Variants in GPR39 observed in about 807,000 individuals in gnomAD.
GPR39 encodes G protein-coupled receptor 39.
Under a neutral mutation model 18.4 loss-of-function variants are expected in GPR39, and 23 were observed. That is an observed-to-expected ratio of 1.25 (90% CI 0.90 to 1.77). The LOEUF is 1.77. GPR39 is among the 40% of genes most tolerant of loss of function. The pLI, the probability that GPR39 is intolerant of heterozygous loss-of-function variation, is 0.00. For synonymous variants in GPR39, 280 were observed against 257.9 expected, an observed-to-expected ratio of 1.09 and a Z score of -0.82; for missense variants, 647 against 602.4, an observed-to-expected ratio of 1.07 and a Z score of -0.78.
chr2:132,424,800 A>G (rs572633238), intron 1 of GPR39, among the ~76,000 whole-genome samples: 1 of 152,242 alleles, frequency 6.6e-6, no homozygotes, highest in East Asian at 1.9e-4. Context: ...AAAACAGACA[A>G]CCCTTCATTG....
Position 132,553,379 on chromosome 2 carries a change from GTA to G in GPR39, c.857-91713_857-91712del, listed in dbSNP as rs201172843. 5.4e-3 allele frequency among the ~76,000 whole-genome samples: 747 copies of G among 138,700 alleles called. 13 individuals carry two copies. The highest frequency in any genetic ancestry group is 3.5e-3 in the Non-Finnish European group (223 of 63,410). The allele number at this position is 138,700 out of a possible 152,430, so 91.0% of individuals were successfully genotyped here. A position where few individuals can be genotyped will look rare whatever the true frequency, so the allele number is the denominator to read the frequency against. ...TATATGTATATATGTATATATGTGT[GTA>G]TATATATAGTGTATATATACGTATA... On this transcript the variant is annotated intron_variant, in intron 1 of 1. Transcript: ENST00000329321.
chr2:132,598,137 G>A (rs1680979271), intron 1 of GPR39, among the ~76,000 whole-genome samples: 1 of 152,242 alleles, frequency 6.6e-6, no homozygotes, highest in African/African-American at 2.4e-5. Flanking sequence ...CTCAAAGGCA[G>A]GAGGATAAGT....
At chr2:132,528,722 T>G (rs1490424067) in intron 1 of GPR39, among the ~76,000 whole-genome samples, 2 of 152,212 alleles carry the variant, frequency 1.3e-5, no homozygotes, top group Non-Finnish European at 2.9e-5. Context: ...CATTCATGAT[T>G]TGGTTCTCTA....
intron 1 of GPR39, among the ~76,000 whole-genome samples, chr2:132,621,002 T>A (rs1681431323): frequency 6.6e-6 from 1 of 152,138 alleles, no homozygotes; most frequent in African/African-American, 2.4e-5. Context: ...TCCACCCACC[T>A]CGGCCTCCCA....
At chr2:132,438,678 G>T (rs1680378762) in intron 1 of GPR39, among the ~76,000 whole-genome samples, 1 of 143,700 alleles carries the variant, frequency 7.0e-6, no homozygotes, top group South Asian at 2.2e-4. Context: ...TTTACTATCT[G>T]GCCCTTTAAA....
chr2:132,501,542 T>C (rs1426070559), intron 1 of GPR39, among the ~76,000 whole-genome samples: 3 of 152,200 alleles, frequency 2.0e-5, no homozygotes, highest in Admixed American at 1.3e-4. Context: ...ATGAATAGAA[T>C]ATATATTCTG....
At chr2:132,575,664 T>C (rs543215988) in intron 1 of GPR39, among the ~76,000 whole-genome samples, 68 of 152,348 alleles carry the variant, frequency 4.5e-4, no homozygotes, top group South Asian at 4.1e-4. Context: ...ATACTGATAC[T>C]GCACTGTGGT....
chr2:132,577,041 C>T (rs999199254), intron 1 of GPR39, among the ~76,000 whole-genome samples: 3 of 146,394 alleles, frequency 2.0e-5, no homozygotes, highest in South Asian at 4.3e-4. Flanking sequence ...TAGACAAATT[C>T]CTCCCATTTT....
intron 1 of GPR39, among the ~76,000 whole-genome samples, chr2:132,628,072 T>G (rs1328585604): frequency 6.6e-6 from 1 of 152,180 alleles, no homozygotes; most frequent in East Asian, 1.9e-4. Flanking sequence ...GTTTCCTCTT[T>G]TCTCCATCTC....
At chr2:132,478,806 T>G (rs1329433625) in intron 1 of GPR39, among the ~76,000 whole-genome samples, 1 of 152,194 alleles carries the variant, frequency 6.6e-6, no homozygotes. Flanking sequence ...AGAACCCAAG[T>G]GACCAGCTGC....
intron 1 of GPR39, among the ~76,000 whole-genome samples, chr2:132,596,018 A>C (rs539085150): frequency 6.6e-6 from 1 of 152,232 alleles, no homozygotes; most frequent in Non-Finnish European, 1.5e-5. Context: ...CTTATGGAAA[A>C]GCAGTTCCTC....
chr2:132,503,424 G>A (rs533464541), intron 1 of GPR39, among the ~76,000 whole-genome samples: 9 of 152,314 alleles, frequency 5.9e-5, no homozygotes, highest in South Asian at 2.1e-4. Context: ...GATATGACCC[G>A]TCTTCAGATC....
intron 1 of GPR39, among the ~76,000 whole-genome samples, chr2:132,456,992 A>G (rs968172532): frequency 5.3e-5 from 8 of 151,958 alleles, no homozygotes; most frequent in African/African-American, 1.9e-4. Context: ...TCTTTGTTGT[A>G]TTCTTTATAT....
chr2:132,572,553 AC>A (rs201688621), intron 1 of GPR39, among the ~76,000 whole-genome samples: 1,945 of 151,490 alleles, frequency 0.013, 44 homozygotes, highest in African/African-American at 0.044. Flanking sequence ...AAAAAAAAAA[AC>A]CTCATTCTAA....
rs529170827 is a variant in GPR39, at chr2:132,592,469, G to T, written c.857-52632G>T. On this transcript the variant is annotated intron_variant, in intron 1 of 1. Coordinates refer to ENST00000329321, the MANE Select transcript of GPR39 (RefSeq NM_001508.3). ...TGGGGTAGTAGGAAATGAGGTCAGG[G>T]AAAAAAGTGGTGGCTGAGGGTGACC... is the stretch of plus-strand genomic sequence containing the variant. 2.6e-5 allele frequency among the ~76,000 whole-genome samples: 4 copies of T among 152,186 alleles called. No individual in the cohort carries two copies. The South Asian group carries it at 8.3e-4, about 32-fold the overall frequency.
intron 1 of GPR39, among the ~76,000 whole-genome samples, chr2:132,538,786 C>T (rs147044017): frequency 1.3e-5 from 2 of 152,352 alleles, no homozygotes; most frequent in Non-Finnish European, 2.9e-5. Flanking sequence ...TCTAGAGAAA[C>T]ATTCTGGCCA....
intron 1 of GPR39, among the ~76,000 whole-genome samples, chr2:132,507,037 A>G (rs1244414790): frequency 2.0e-5 from 3 of 152,068 alleles, no homozygotes; most frequent in Non-Finnish European, 1.5e-5. Flanking sequence ...ATAACTCATT[A>G]ATTCATGAAT....
chr2:132,436,954 C>T (rs1433869423), intron 1 of GPR39, among the ~76,000 whole-genome samples: 1 of 152,186 alleles, frequency 6.6e-6, no homozygotes, highest in Non-Finnish European at 1.5e-5. Flanking sequence ...TCATTGAATT[C>T]TCCCAAGGCC....
intron 1 of GPR39, chr2:132,604,367 T>C (rs530939425): frequency 1.3e-5 from 2 of 152,310 alleles, no homozygotes; most frequent in African/African-American, 4.8e-5. Flanking sequence ...GCCATGGCTG[T>C]GGAGGGTATT....
Sources: allele counts gnomAD v4.1 joint callset (sites outside exome capture counted in the v4.1 genomes callset), GRCh38; gene constraint gnomAD v4.1.1; transcripts MANE v1.5; gene names NCBI Gene and HGNC (gene_info 2026-07-23, HGNC 2026-07-21).